Variants in EIF2AK4 observed in about 807,000 individuals in gnomAD.
EIF2AK4 encodes eukaryotic translation initiation factor 2 alpha kinase 4.
In EIF2AK4, 139 loss-of-function variants were observed where a neutral mutation model predicts 211.1. The ratio of observed to expected loss-of-function variants is 0.66; its 90% confidence interval spans 0.57 to 0.76. The LOEUF (loss-of-function observed/expected upper bound fraction) is 0.76. Among genes scored for constraint, EIF2AK4 ranks in the 30% least tolerant of loss-of-function variants. The pLI is 0.00. For missense variants in EIF2AK4, 1,664 were observed against 2,043.8 expected, an observed-to-expected ratio of 0.81 and a Z score of 3.58; for synonymous variants, 710 against 751.3, an observed-to-expected ratio of 0.94 and a Z score of 0.90.
chr15:40,034,940 C>T, intron 38 of EIF2AK4, 87 bp from the exon 39 acceptor site: 2 of 1,029,292 alleles, frequency 1.9e-6, no homozygotes, highest in South Asian at 1.8e-5. Context: ...TTAAATAAAG[C>T]TCCTACAGGT....
intron 27 of EIF2AK4, among the ~76,000 whole-genome samples, chr15:40,014,958 G>T (rs2035285459): frequency 6.6e-6 from 1 of 152,126 alleles, no homozygotes; most frequent in African/African-American, 2.4e-5. Flanking sequence ...TAGGGCAGGG[G>T]CAAAATTCTG....
chr15:39,942,403 T>C (rs749949734), intron 2 of EIF2AK4, among the ~76,000 whole-genome samples: 1 of 152,202 alleles, frequency 6.6e-6, no homozygotes, highest in Admixed American at 6.5e-5. Context: ...TTCCCTCATA[T>C]AGACTACTTT....
chr15:39,998,847 C>G (rs1595419407), intron 20 of EIF2AK4, 63 bp downstream of exon 20: 6 of 1,362,374 alleles, frequency 4.4e-6, no homozygotes, highest in Non-Finnish European at 6.1e-6. Context: ...TATTTTTCTT[C>G]TTTTTCAATT....
At chr15:40,029,262 G>T in intron 33 of EIF2AK4, 144 bp from the exon 34 acceptor site, 3 of 1,368,454 alleles carry the variant, frequency 2.2e-6, no homozygotes, top group Non-Finnish European at 2.8e-6. Context: ...CAAATTTTTT[G>T]TTTTTGTTTT....
Position 39,934,183 on chromosome 15 carries a change from G to A in EIF2AK4, c.-13G>A, listed in dbSNP as rs567621591. The A allele has an allele frequency of 2.0e-6, 3 of 1,513,620 alleles. No homozygotes were observed. Among genetic ancestry groups the A allele is most frequent in the East Asian group, 5.4e-5 (2 of 37,248 alleles). 93.8% of individuals were successfully genotyped at this position (1,513,620 alleles called of 1,614,324 possible). A position where few individuals can be genotyped will look rare whatever the true frequency, so the allele number is the denominator to read the frequency against. On this transcript the variant is annotated 5_prime_UTR_variant, in exon 1 of 39. Coordinates refer to ENST00000263791, the MANE Select transcript of EIF2AK4 (RefSeq NM_001013703.4). ...CCCAGGCAAGGCCGCCCTGCCTTGG[G>A]CGCAGCGCTGCCATGGCTGGGGGCC...
chr15:39,993,211 T>G (rs1483484457), intron 18 of EIF2AK4, among the ~76,000 whole-genome samples: 3 of 151,080 alleles, frequency 2.0e-5, no homozygotes, highest in Non-Finnish European at 3.0e-5. Flanking sequence ...CGTCCATCCA[T>G]CCATCCATCC....
intron 22 of EIF2AK4, 139 bp from the exon 23 acceptor site, chr15:40,003,054 T>C (rs1481419938): frequency 1.5e-6 from 2 of 1,299,948 alleles, no homozygotes; most frequent in African/African-American, 3.0e-5. Context: ...TTTATAAATT[T>C]AGAGAACTCA....
chr15:39,976,605 G>T lies in EIF2AK4; in HGVS notation c.2010G>T (p.Pro670=). The T allele has an allele frequency of 6.2e-7, 1 of 1,608,508 alleles. No individual in the cohort carries two copies. The highest frequency in any genetic ancestry group is 8.5e-7 in the Non-Finnish European group (1 of 1,178,068). Residue 670 remains proline, a synonymous_variant, in exon 12 of 39, where the codon CCG becomes CCT. Coordinates refer to ENST00000263791, the MANE Select transcript of EIF2AK4 (RefSeq NM_001013703.4). ...CGGCGGGACCGGGGACGCCGCCCCC[G>T]GACTCCGGGCCCCTGGCCAAGGATG... is the stretch of plus-strand genomic sequence containing the variant. ...ERPAGPGTPP[P]DSGPLAKDDR... is the part of the protein sequence containing the mutation.
intron 13 of EIF2AK4, among the ~76,000 whole-genome samples, chr15:39,981,951 A>T (rs1285105399): frequency 7.4e-6 from 1 of 134,608 alleles, no homozygotes; most frequent in Non-Finnish European, 1.6e-5. Flanking sequence ...TTTGAGACAG[A>T]GTCTCACTCA....
intron 13 of EIF2AK4, among the ~76,000 whole-genome samples, chr15:39,978,761 T>G (rs1011712889): frequency 6.6e-6 from 1 of 152,222 alleles, no homozygotes; most frequent in Non-Finnish European, 1.5e-5. Context: ...GAGATTGTGC[T>G]GTTTTTTTAG....
rs2934195 is a variant in EIF2AK4, at chr15:39,948,358, C to T, written c.361-758C>T. 8.3e-3 allele frequency among the ~76,000 whole-genome samples: 1,258 copies of T among 152,294 alleles called. 18 individuals carry two copies. Among genetic ancestry groups the T allele is most frequent in the African/African-American group, 0.029 (1,210 of 41,556 alleles). On this transcript the variant is annotated intron_variant, in intron 3 of 38. Transcript: ENST00000263791. ...TGTTCCTCATCCACCAAAGGATCAGCACTCTTTACCTCTTTGGGGTTGGGT... is the reference window on the plus strand; with the variant it reads ...TGTTCCTCATCCACCAAAGGATCAGTACTCTTTACCTCTTTGGGGTTGGGT...
At chr15:39,988,637 A>G (rs1232422793) in intron 15 of EIF2AK4, among the ~76,000 whole-genome samples, 1 of 152,134 alleles carries the variant, frequency 6.6e-6, no homozygotes, top group Admixed American at 6.6e-5. Flanking sequence ...TTACAGAAAA[A>G]ATTTGTTAAC....
At chr15:39,961,374 T>A (rs2034469540) in intron 6 of EIF2AK4, among the ~76,000 whole-genome samples, 1 of 152,232 alleles carries the variant, frequency 6.6e-6, no homozygotes, top group African/African-American at 2.4e-5. Context: ...CAGTAGAACT[T>A]TTTATGATAA....
At chr15:40,008,945 A>C (rs2035199130) in intron 25 of EIF2AK4, among the ~76,000 whole-genome samples, 1 of 152,186 alleles carries the variant, frequency 6.6e-6, no homozygotes, top group Non-Finnish European at 1.5e-5. Flanking sequence ...TGTGTGGACA[A>C]AAGTTAACAA....
At chr15:39,981,923 A>ATTT (rs2034794204) in intron 13 of EIF2AK4, among the ~76,000 whole-genome samples, 2 of 88,484 alleles carry the variant, frequency 2.3e-5, no homozygotes, top group African/African-American at 3.7e-5. Context: ...TAATGTGGTC[A>ATTT]CTTTTTTTTT....
chr15:40,012,800 G>A lies in EIF2AK4; in HGVS notation c.3759+1454G>A, dbSNP rs535428665. Among the ~76,000 whole-genome samples, 15 of 152,230 alleles carry A rather than the reference G, an allele frequency of 9.9e-5. No homozygotes were observed. The East Asian group carries it at 1.5e-3, about 16-fold the overall frequency. On this transcript the variant is annotated intron_variant, in intron 27 of 38. Coordinates refer to ENST00000263791, the MANE Select transcript of EIF2AK4 (RefSeq NM_001013703.4). ...CGATGATGCTAAGTGTTAATTAGAC[G>A]TGTCTGATTCAGTTAAAAACAGAAA...
In EIF2AK4 at chr15:40,035,131, A is replaced by G; in HGVS notation, c.*47A>G. 7.5e-7 allele frequency: 1 copy of G among 1,340,144 alleles called. No homozygotes were observed. Among genetic ancestry groups the G allele is most frequent in the Non-Finnish European group, 1.0e-6 (1 of 980,820 alleles). 83.0% of individuals were successfully genotyped at this position (1,340,144 alleles called of 1,614,324 possible). A position where few individuals can be genotyped will look rare whatever the true frequency, so the allele number is the denominator to read the frequency against. On this transcript the variant is annotated 3_prime_UTR_variant, in exon 39 of 39. Transcript: ENST00000263791. ...CTCATTCAAACAGACAGAGGCTTAT[A>G]CTGGAATAATGGAATGTTGTACATT...
intron 25 of EIF2AK4, among the ~76,000 whole-genome samples, chr15:40,008,706 C>T (rs1357782111): frequency 1.3e-5 from 2 of 152,130 alleles, no homozygotes; most frequent in Non-Finnish European, 2.9e-5. Flanking sequence ...GCCCTTTCTC[C>T]CCAGGAAGCC....
intron 13 of EIF2AK4, among the ~76,000 whole-genome samples, chr15:39,982,398 G>C (rs550659475): frequency 6.6e-6 from 1 of 152,256 alleles, no homozygotes; most frequent in South Asian, 2.1e-4. Flanking sequence ...GAATTGACTT[G>C]ACAAGGAGTT....
Sources: allele counts gnomAD v4.1 joint callset (sites outside exome capture counted in the v4.1 genomes callset), GRCh38; gene constraint gnomAD v4.1.1; transcripts MANE v1.5; gene names NCBI Gene and HGNC (gene_info 2026-07-23, HGNC 2026-07-21).